TPO: variants seen among roughly 807,000 people sequenced by gnomAD.
TPO encodes the protein thyroid peroxidase.
In TPO, 78 loss-of-function variants were observed where a neutral mutation model predicts 96.9. The ratio of observed to expected loss-of-function variants is 0.81; its 90% CI spans 0.67 to 0.97. TPO has a LOEUF of 0.97. TPO is among the 50% of genes least tolerant of loss of function. TPO has a pLI of 0.00. For missense variants in TPO, 1,252 were observed against 1,274.8 expected (o/e 0.98, Z 0.27); for synonymous variants, 547 against 538.0 (o/e 1.02, Z -0.23).
chr2:1,409,646 A>G (rs9751965), upstream of TPO, among the ~76,000 whole-genome samples: 97 of 152,122 alleles, frequency 6.4e-4, no homozygotes, highest in Middle Eastern at 3.4e-3. Flanking sequence ...CAGCTTTTCC[A>G]TCTGCATCCT....
intron 1 of TPO, among the ~76,000 whole-genome samples, chr2:1,397,444 T>TC (rs1484133190): frequency 1.3e-5 from 2 of 152,058 alleles, no homozygotes; most frequent in Non-Finnish European, 2.9e-5. Context: ...CACCATTCCC[T>TC]CCCCAGGCAA....
chr2:1,492,907 G>A (rs1671911836), intron 10 of TPO, among the ~76,000 whole-genome samples: 1 of 152,156 alleles, frequency 6.6e-6, no homozygotes, highest in Non-Finnish European at 1.5e-5. Context: ...TCCTTGAGGA[G>A]GGAGCACTTC....
chr2:1,534,607 G>A lies in TPO; in HGVS notation c.2619-5987G>A, dbSNP rs1195352233. On this transcript the variant is annotated intron_variant, in intron 15 of 16. Coordinates refer to ENST00000329066, the MANE Select transcript of TPO (RefSeq NM_001206744.2). ...CCACACTGTGCAACCGCACCAAATC[G>A]CGCCACTGTGTGCAACCTCCACAAA... Among the ~76,000 whole-genome samples, 3 of 136,538 alleles carry A rather than the reference G, an allele frequency of 2.2e-5. 1 individual carries two copies. Among genetic ancestry groups the A allele is most frequent in the Non-Finnish European group, 4.6e-5 (3 of 65,426 alleles). The allele number at this position is 136,538 out of a possible 152,430, so 89.6% of individuals were successfully genotyped here. A position where few individuals can be genotyped will look rare whatever the true frequency, so the allele number is the denominator to read the frequency against.
intron 1 of TPO, among the ~76,000 whole-genome samples, chr2:1,397,099 G>A (rs1269126144): frequency 6.6e-6 from 1 of 152,136 alleles, no homozygotes; most frequent in African/African-American, 2.4e-5. Context: ...AATAGTAGGT[G>A]CCTCATAAAG....
At chr2:1,446,465 G>A (rs146842515) in intron 5 of TPO, among the ~76,000 whole-genome samples, 232 of 152,254 alleles carry the variant, frequency 1.5e-3, no homozygotes, top group African/African-American at 5.2e-3. Context: ...ACCAATCCCC[G>A]TCACTGTGAT....
At chr2:1,522,339 G>T (rs1182728470) in intron 15 of TPO, among the ~76,000 whole-genome samples, 4 of 60,018 alleles carry the variant, frequency 6.7e-5, no homozygotes, top group Non-Finnish European at 1.3e-4. Context: ...CTGCCACCGT[G>T]CCCTCACAGA....
At position 1,453,562 on chromosome 2, in the gene TPO, G is replaced by A. The variant is rs1201352212; in HGVS notation, c.483-132G>A. 3.5e-6 allele frequency: 5 copies of A among 1,427,120 alleles called. No homozygotes were observed. The Admixed American group carries it at 5.1e-5, about 15-fold the overall frequency. The allele number at this position is 1,427,120 out of a possible 1,614,324, so 88.4% of individuals were successfully genotyped here. ...TCCAGGAGGCCTTTCGGGTCTTCTG[G>A]GGAGCTGTGCCCCTTGGGCCTCCGG... On this transcript the variant is annotated intron_variant, in intron 5 of 16. Coordinates refer to ENST00000329066, the MANE Select transcript of TPO (RefSeq NM_001206744.2).
chr2:1,500,786 G>GAA (rs1445730087), intron 13 of TPO, among the ~76,000 whole-genome samples: 2 of 151,962 alleles, frequency 1.3e-5, no homozygotes, highest in Non-Finnish European at 2.9e-5. Flanking sequence ...CCAAGATGGT[G>GAA]AAACCCCGTC....
chr2:1,444,372 C>T (rs905940422), intron 5 of TPO, among the ~76,000 whole-genome samples: 2 of 149,808 alleles, frequency 1.3e-5, no homozygotes, highest in African/African-American at 4.9e-5. Context: ...GGGAATGGAG[C>T]TGGCTCCTTC....
rs973138006 is a variant in TPO at position 1,540,489 on chromosome 2, C to T, written c.2619-105C>T. On this transcript the variant is annotated intron_variant, in intron 15 of 16. Transcript: ENST00000329066. ...TGAAAGTGGGTTGGAGTGTTCCTGC[C>T]AAAGACAAGCACGGCTGCCTTGCCG... 3.1e-6 allele frequency: 5 copies of T among 1,597,222 alleles called. No homozygotes were observed. In the Admixed American group the frequency reaches 5.0e-5, roughly 16 times the overall value.
intron 7 of TPO, among the ~76,000 whole-genome samples, chr2:1,467,718 T>C (rs1396436625): frequency 6.6e-6 from 1 of 152,022 alleles, no homozygotes; most frequent in African/African-American, 2.4e-5. Context: ...TTCCAGGGTA[T>C]AGTTTAAATC....
At chr2:1,438,795 TTGC>T in intron 5 of TPO, 1 of 678,490 alleles carries the variant, frequency 1.5e-6, no homozygotes, top group African/African-American at 1.9e-5. Context: ...TTTTTTTTTT[TTGC>T]AAATGCCTGG....
At chr2:1,519,028 C>CAG (rs1674981083) in intron 15 of TPO, among the ~76,000 whole-genome samples, 1 of 152,300 alleles carries the variant, frequency 6.6e-6, no homozygotes, top group African/African-American at 2.4e-5. Context: ...CGAAGGCCAT[C>CAG]TTGACGGGAA....
At chr2:1,375,878 G>C (rs990851863) in intron 1 of TPO, among the ~76,000 whole-genome samples, 6 of 152,158 alleles carry the variant, frequency 3.9e-5, no homozygotes, top group African/African-American at 1.4e-4. Flanking sequence ...AGACACCAGA[G>C]GTGGGAAGAC....
chr2:1,513,764 ATG>A (rs1184890115), intron 14 of TPO, among the ~76,000 whole-genome samples: 1 of 152,220 alleles, frequency 6.6e-6, no homozygotes, highest in Non-Finnish European at 1.5e-5. Context: ...GATAACAAAT[ATG>A]TAGACATAGA....
rs775435578 is a variant in TPO at position 1,484,773 on chromosome 2, G to C, written c.1516G>C (p.Ala506Pro). ...TIHPLVRRLD[A>P]SFQEHPDLPG... ...CCACCCGCTGGTGAGGAGGCTGGAC[G>C]CCAGCTTCCAGGAGCACCCCGACCT... The change falls in exon 9 of 17, where the codon GCC (alanine) becomes CCC (proline). Residue 506 changes from alanine to proline, a missense_variant. Coordinates refer to ENST00000329066, the MANE Select transcript of TPO (RefSeq NM_001206744.2). 1 of 1,614,054 alleles carries C rather than the reference G, an allele frequency of 6.2e-7. No homozygotes were observed.
chr2:1,534,334 G>T (rs1396010050), intron 15 of TPO, among the ~76,000 whole-genome samples: 1 of 139,542 alleles, frequency 7.2e-6, no homozygotes, highest in Non-Finnish European at 1.5e-5. Flanking sequence ...TTTTCCCACT[G>T]TGTGCAACTT....
intron 8 of TPO, among the ~76,000 whole-genome samples, chr2:1,478,510 C>T (rs189277289): frequency 4.5e-4 from 69 of 152,342 alleles, no homozygotes; most frequent in African/African-American, 1.5e-3. Context: ...GCGCCCCTGC[C>T]GCTTTCTGGC....
At chr2:1,527,127 CTG>C (rs1265224367) in intron 15 of TPO, among the ~76,000 whole-genome samples, 1 of 127,984 alleles carries the variant, frequency 7.8e-6, no homozygotes, top group Non-Finnish European at 1.6e-5. Context: ...AATACCCCCA[CTG>C]TGTGCAACCT....
Sources: gnomAD v4.1 joint callset for allele counts (sites outside exome capture counted in the v4.1 genomes callset) on GRCh38, gnomAD v4.1.1 for gene constraint, MANE v1.5 for transcripts, NCBI Gene and HGNC (gene_info 2026-07-23, HGNC 2026-07-21) for gene names.